YEATS2: variants seen among roughly 807,000 people sequenced by gnomAD.
YEATS2 encodes YEATS domain containing 2, also known as YEATS domain-containing protein 2.
YEATS2 carries 77 observed loss-of-function variants against 163.2 expected under a neutral mutation model. That is an observed-to-expected ratio of 0.47 (90% CI 0.39 to 0.57). The LOEUF is 0.57. Ranked by LOEUF, YEATS2 falls within the 20% of genes least tolerant of loss-of-function variation. YEATS2 has a pLI of 0.00. For synonymous variants in YEATS2, 631 were observed against 645.1 expected, an observed-to-expected ratio of 0.98 and a Z score of 0.33; for missense variants, 1,549 against 1,729.8, an observed-to-expected ratio of 0.90 and a Z score of 1.85.
intron 21 of YEATS2, among the ~76,000 whole-genome samples, chr3:183,796,148 A>ATTTTTTTTTTT (rs1176974770): frequency 2.2e-4 from 21 of 96,056 alleles, no homozygotes; most frequent in African/African-American, 6.0e-4. Flanking sequence ...ATGCCCGGCT[A>ATTTTTTTTTTT]TTTTTTTTTT....
rs1386823091 is a variant in YEATS2, at chr3:183,734,944, G to A, written c.813-1774G>A. Reference sequence around the variant, plus strand: ...GCAGTCCTTTATTGTGTGAAGTAACGTCTTTTGAAGTATACCATTTCCATA... The same window carrying A: ...GCAGTCCTTTATTGTGTGAAGTAACATCTTTTGAAGTATACCATTTCCATA... On this transcript the variant is annotated intron_variant, in intron 7 of 30. Coordinates refer to ENST00000305135, the MANE Select transcript of YEATS2 (RefSeq NM_018023.5). Among the ~76,000 whole-genome samples, 6 of 152,274 alleles carry A rather than the reference G, an allele frequency of 3.9e-5. No homozygotes were observed. The East Asian group carries it at 5.8e-4, about 15-fold the overall frequency.
intron 28 of YEATS2, chr3:183,807,644 CT>C (rs1726355616): frequency 4.6e-6 from 1 of 216,006 alleles, no homozygotes; most frequent in Non-Finnish European, 9.3e-6. Flanking sequence ...AGACAGTGTG[CT>C]TTCATTGGAT....
intron 7 of YEATS2, among the ~76,000 whole-genome samples, chr3:183,732,073 G>A (rs1479723656): frequency 6.6e-6 from 1 of 151,852 alleles, no homozygotes; most frequent in Admixed American, 6.6e-5. Flanking sequence ...ATGTATATAA[G>A]TCTATTACTG....
chr3:183,721,304 A>G (rs930420090), intron 4 of YEATS2, among the ~76,000 whole-genome samples: 1 of 152,196 alleles, frequency 6.6e-6, no homozygotes, highest in Non-Finnish European at 1.5e-5. Flanking sequence ...CACAGTTTTT[A>G]AAAGCTAGGC....
chr3:183,725,064 T>A (rs1024699037), intron 6 of YEATS2, among the ~76,000 whole-genome samples: 6 of 132,598 alleles, frequency 4.5e-5, no homozygotes, highest in African/African-American at 9.1e-5. Flanking sequence ...TTTTTTTTTT[T>A]ATCGTTTTAT....
intron 20 of YEATS2, among the ~76,000 whole-genome samples, chr3:183,790,141 T>G (rs1724470148): frequency 6.6e-6 from 1 of 152,224 alleles, no homozygotes; most frequent in African/African-American, 2.4e-5. Context: ...ATCTCTCCCT[T>G]TCTCTGTCTT....
At chr3:183,755,993 G>T (rs1720725847) in intron 11 of YEATS2, among the ~76,000 whole-genome samples, 1 of 151,890 alleles carries the variant, frequency 6.6e-6, no homozygotes, top group African/African-American at 2.4e-5. Context: ...TGATCCGCCT[G>T]CCTCGGCCTC....
chr3:183,738,545 C>T (rs1466301491), intron 8 of YEATS2, among the ~76,000 whole-genome samples: 3 of 105,522 alleles, frequency 2.8e-5, no homozygotes, highest in Admixed American at 9.9e-5. Context: ...AATGCTATCC[C>T]TCCCCCCTCC....
At chr3:183,804,246 TAG>T (rs1220367283) in intron 27 of YEATS2, 58 bp downstream of exon 27, 20 of 1,595,068 alleles carry the variant, frequency 1.3e-5, no homozygotes, top group Non-Finnish European at 1.6e-5. Flanking sequence ...TTTGCTGAGG[TAG>T]AGAGAGATGA....
chr3:183,776,061 G>T lies in YEATS2; in HGVS notation c.2515G>T (p.Gly839Cys). 1 of 1,612,442 alleles carries T rather than the reference G, an allele frequency of 6.2e-7. No individual in the cohort carries two copies. The highest frequency in any genetic ancestry group is 2.2e-5 in the East Asian group (1 of 44,854). ...TAGGGTQSTAGPGGISQHLTY... is the reference protein window; with the variant it reads ...TAGGGTQSTACPGGISQHLTY... ...AGGAGGAGGAACTCAAAGTACTGCT[G>T]GCCCTGGAGGGATATCTCAGCACCT... Residue 839 changes from glycine (G) to cysteine (C), a missense_variant, in exon 18 of 31, where the codon GGC becomes TGC. Physicochemically the swap from Gly to Cys is radical, Grantham distance 159. Coordinates refer to ENST00000305135, the MANE Select transcript of YEATS2 (RefSeq NM_018023.5).
intron 21 of YEATS2, among the ~76,000 whole-genome samples, chr3:183,795,073 T>C (rs999600219): frequency 6.7e-6 from 1 of 148,874 alleles, no homozygotes; most frequent in Non-Finnish European, 1.5e-5. Flanking sequence ...GAGGCTGAGA[T>C]GGGAGGATTA....
rs780786420 is a variant in YEATS2 at position 183,807,022 on chromosome 3, A to G, written c.3941A>G (p.Lys1314Arg). The change falls in exon 28 of 31, where the codon AAA (lysine) becomes AGA (arginine). Residue 1314 changes from lysine (K) to arginine (R), a missense_variant. Transcript: ENST00000305135. ...AACATCAAGAAGGAGCAGGAAGAGA[A>G]ACAAGAGGAAGTCAAGTTCTACCTG... Reference protein sequence around the residue: ...KINIKKEQEEKQEEVKFYLPP... With the variant: ...KINIKKEQEERQEEVKFYLPP... 6.2e-7 allele frequency: 1 copy of G among 1,614,210 alleles called. No homozygotes were observed. Among genetic ancestry groups the G allele is most frequent in the Non-Finnish European group, 8.5e-7 (1 of 1,180,048 alleles).
At chr3:183,786,330 C>G (rs1339047135) in intron 20 of YEATS2, 29 bp downstream of exon 20, 1 of 1,579,012 alleles carries the variant, frequency 6.3e-7, no homozygotes. Context: ...GTAGAGAATC[C>G]TAATGAGACA....
At position 183,747,616 on chromosome 3, in the gene YEATS2, A is replaced by G. The variant is rs190078133; in HGVS notation, c.925-56A>G. ...CTGTAGATAAAGATTGTATCCTATG[A>G]TAATATGTAAGTAAGTGCAGTGAAA... On this transcript the variant is annotated intron_variant, in intron 8 of 30. Transcript: ENST00000305135. The G allele has an allele frequency of 3.5e-5, 51 of 1,468,826 alleles. No individual in the cohort carries two copies. The East Asian group carries it at 8.9e-4, about 26-fold the overall frequency. 91.0% of individuals were successfully genotyped at this position (1,468,826 alleles called of 1,614,324 possible). A position where few individuals can be genotyped will look rare whatever the true frequency, so the allele number is the denominator to read the frequency against.
intron 19 of YEATS2, among the ~76,000 whole-genome samples, chr3:183,779,229 G>T (rs1472733299): frequency 6.6e-6 from 1 of 152,122 alleles, no homozygotes; most frequent in African/African-American, 2.4e-5. Context: ...CTTGCTTTTG[G>T]TAATTATGTG....
At chr3:183,770,291 G>A (rs1397889677) in intron 15 of YEATS2, among the ~76,000 whole-genome samples, 5 of 151,986 alleles carry the variant, frequency 3.3e-5, no homozygotes, top group Non-Finnish European at 5.9e-5. Flanking sequence ...GACTGAGGCA[G>A]GAGAATGGCA....
intron 15 of YEATS2, among the ~76,000 whole-genome samples, chr3:183,769,784 C>T (rs1263122050): frequency 2.6e-5 from 4 of 151,996 alleles, no homozygotes; most frequent in Non-Finnish European, 5.9e-5. Context: ...CCTCCGACTC[C>T]CAGGTTCAAG....
chr3:183,782,111 A>G (rs1723622604), intron 19 of YEATS2, among the ~76,000 whole-genome samples: 1 of 151,760 alleles, frequency 6.6e-6, no homozygotes, highest in Non-Finnish European at 1.5e-5. Context: ...TAATTTTTTA[A>G]TTTTTTAATT....
intron 7 of YEATS2, among the ~76,000 whole-genome samples, chr3:183,732,952 C>G (rs974764146): frequency 2.0e-5 from 3 of 151,936 alleles, no homozygotes. Context: ...CCTCGAACTC[C>G]TGGGCTCGAA....
Sources: gnomAD v4.1 joint callset for allele counts (sites outside exome capture counted in the v4.1 genomes callset) on GRCh38, gnomAD v4.1.1 for gene constraint, MANE v1.5 for transcripts, NCBI Gene and HGNC (gene_info 2026-07-23, HGNC 2026-07-21) for gene names.